ADGRB1: variants seen among roughly 807,000 people sequenced by gnomAD.
The protein encoded by ADGRB1 is brain-specific angiogenesis inhibitor 1.
Under a neutral mutation model 175.7 loss-of-function variants are expected in ADGRB1, and 36 were observed. That is an observed-to-expected ratio of 0.20 (90% CI 0.16 to 0.27). ADGRB1 has a LOEUF of 0.27. ADGRB1 is among the 10% of genes least tolerant of loss of function. The pLI is 1.00. For missense variants in ADGRB1, 1,731 were observed against 2,255.3 expected (o/e 0.77, Z 4.71); for synonymous variants, 1,054 against 979.4 (o/e 1.08, Z -1.42).
chr8:142,506,068 T>C (rs1842836694), intron 17 of ADGRB1, among the ~76,000 whole-genome samples: 1 of 152,168 alleles, frequency 6.6e-6, no homozygotes. Context: ...AATGTGTCCC[T>C]GGGGCCACAT....
chr8:142,452,709 C>T (rs1485363235), intron 1 of ADGRB1, among the ~76,000 whole-genome samples: 2 of 152,132 alleles, frequency 1.3e-5, no homozygotes, highest in African/African-American at 4.8e-5. Context: ...ATGAAGGGCC[C>T]CAGGGAGGGC....
In ADGRB1 at chr8:142,524,377, T is replaced by C. The variant is rs1391444291; in HGVS notation, c.3312+73T>C. ...CCACCTGCCTCCTGGGCCTCGGTGC[T>C]GTCTCATGCCCCAGGCTGTGCACCT... On this transcript the variant is annotated intron_variant, in intron 23 of 30. Transcript: ENST00000517894. 3.5e-6 allele frequency: 5 copies of C among 1,435,644 alleles called. No individual in the cohort carries two copies. In the Admixed American group the frequency reaches 1.0e-4, roughly 29 times the overall value. 88.9% of individuals were successfully genotyped at this position (1,435,644 alleles called of 1,614,324 possible).
At chr8:142,488,899 C>G in intron 14 of ADGRB1, 136 bp from the exon 15 acceptor site, 1 of 1,113,138 alleles carries the variant, frequency 9.0e-7, no homozygotes, top group Non-Finnish European at 1.3e-6. Flanking sequence ...GTGGGCCTCA[C>G]CATCCGCCAG....
Position 142,520,730 on chromosome 8 carries a change from G to T in ADGRB1, c.2922-93G>T. On this transcript the variant is annotated intron_variant, in intron 19 of 30. Transcript: ENST00000517894. ...TGGTGACAATGCCTGCAGGAAGTGG[G>T]GTGGGGCTCTGGTCTTGGTGCCACA... The T allele has an allele frequency of 2.8e-6, 3 of 1,053,712 alleles. No individual in the cohort carries two copies. In the Admixed American group the frequency reaches 5.4e-5, roughly 19 times the overall value. 65.3% of individuals were successfully genotyped at this position (1,053,712 alleles called of 1,614,324 possible).
rs558809818 is a variant in ADGRB1, at chr8:142,508,843, C to T, written c.2676-2089C>T. On this transcript the variant is annotated intron_variant, in intron 17 of 30. Coordinates refer to ENST00000517894, the MANE Select transcript of ADGRB1 (RefSeq NM_001702.3). Reference sequence around the variant, plus strand: ...AGCCTCATGCTTCTAAACCCTGGCCCGTGAAACAGGATCCTGGCCTCACAC... The same window carrying T: ...AGCCTCATGCTTCTAAACCCTGGCCTGTGAAACAGGATCCTGGCCTCACAC... 1.1e-4 allele frequency among the ~76,000 whole-genome samples: 16 copies of T among 152,310 alleles called. No homozygotes were observed. The East Asian group carries it at 2.7e-3, about 26-fold the overall frequency.
chr8:142,489,456 G>A lies in ADGRB1; in HGVS notation c.2631+18G>A. ...TGTATAATGTGAGTGCCGTCCACGT[G>A]CACACTCTGATGCCAGCAGAAACGC... On this transcript the variant is annotated intron_variant, in intron 16 of 30. Coordinates refer to ENST00000517894, the MANE Select transcript of ADGRB1 (RefSeq NM_001702.3). 2 of 1,608,406 alleles carry A rather than the reference G, an allele frequency of 1.2e-6. No homozygotes were observed. The highest frequency in any genetic ancestry group is 1.7e-6 in the Non-Finnish European group (2 of 1,175,980).
chr8:142,528,550 C>T lies in ADGRB1; in HGVS notation c.3398+1923C>T, dbSNP rs543618849. ...CCTTTTAATTTCACTTGCAGTCAGC[C>T]GTCCCCGCACCCCCTCGGGCGCGCC... On this transcript the variant is annotated intron_variant, in intron 24 of 30. Coordinates refer to ENST00000517894, the MANE Select transcript of ADGRB1 (RefSeq NM_001702.3). Among the ~76,000 whole-genome samples, 14 of 152,188 alleles carry T rather than the reference C, an allele frequency of 9.2e-5. No individual in the cohort carries two copies. In the South Asian group the frequency reaches 1.0e-3, roughly 11 times the overall value.
chr8:142,461,004 C>A (rs995151316), intron 1 of ADGRB1, among the ~76,000 whole-genome samples: 1 of 152,196 alleles, frequency 6.6e-6, no homozygotes, highest in African/African-American at 2.4e-5. Flanking sequence ...GGGTTCAAGG[C>A]GTGGAGTCAG....
intron 24 of ADGRB1, among the ~76,000 whole-genome samples, chr8:142,528,487 C>G (rs985617084): frequency 1.3e-5 from 2 of 152,212 alleles, no homozygotes. Context: ...GCCCCTCCTG[C>G]CTGGTTTCCG....
chr8:142,484,632 G>C, intron 12 of ADGRB1, 24 bp from the exon 13 acceptor site: 1 of 1,593,674 alleles, frequency 6.3e-7, no homozygotes, highest in Admixed American at 1.7e-5. Flanking sequence ...TCCTCCCTCG[G>C]CTGCTCACCC....
chr8:142,528,179 C>T (rs918450590), intron 24 of ADGRB1, among the ~76,000 whole-genome samples: 3 of 152,242 alleles, frequency 2.0e-5, no homozygotes, highest in South Asian at 2.1e-4. Flanking sequence ...AGGACCTGCA[C>T]GAGGTCCCTG....
At chr8:142,484,790 C>T (rs1453506062) in intron 13 of ADGRB1, 26 bp downstream of exon 13, 24 of 1,529,188 alleles carry the variant, frequency 1.6e-5, no homozygotes, top group Non-Finnish European at 2.1e-5. Flanking sequence ...TGCTGCCACC[C>T]CCCATGCCTT....
intron 2 of ADGRB1, 24 bp from the exon 3 acceptor site, chr8:142,475,450 C>A (rs1409536103): frequency 2.3e-6 from 3 of 1,283,318 alleles, no homozygotes; most frequent in Non-Finnish European, 3.0e-6. Flanking sequence ...CTGCCCTGAT[C>A]CCCGCCCTCT....
At chr8:142,539,334 C>T in intron 26 of ADGRB1, 40 bp from the exon 27 acceptor site, 2 of 1,559,270 alleles carry the variant, frequency 1.3e-6, no homozygotes, top group South Asian at 2.4e-5. Context: ...ACCCCCGCTC[C>T]CAGAGGCGCT....
At position 142,477,605 on chromosome 8, in the gene ADGRB1, A is replaced by C. The variant is rs967358424; in HGVS notation, c.1387+56A>C. 4 of 1,565,154 alleles carry C rather than the reference A, an allele frequency of 2.6e-6. No homozygotes were observed. The African/African-American group carries it at 4.0e-5, about 16-fold the overall frequency. On this transcript the variant is annotated intron_variant, in intron 6 of 30. Transcript: ENST00000517894. The stretch of plus-strand genomic sequence containing the variant: ...AGGAAGGGAAGAAAGGGGAGGTCAC[A>C]GTGGGCCACCGGCCAGGCCCAGGAG...
intron 2 of ADGRB1, among the ~76,000 whole-genome samples, chr8:142,466,616 G>C (rs1481109385): frequency 6.6e-6 from 1 of 152,240 alleles, no homozygotes; most frequent in Non-Finnish European, 1.5e-5. Context: ...GAGGGGCTGA[G>C]GACCAAGCCC....
At chr8:142,519,340 G>A (rs919638944) in intron 19 of ADGRB1, among the ~76,000 whole-genome samples, 12 of 152,192 alleles carry the variant, frequency 7.9e-5, no homozygotes, top group South Asian at 2.1e-4. Context: ...GAGGAAGTGG[G>A]GACCCAGAGA....
chr8:142,529,477 C>T (rs1397150492), intron 24 of ADGRB1, among the ~76,000 whole-genome samples: 1 of 152,172 alleles, frequency 6.6e-6, no homozygotes, highest in East Asian at 1.9e-4. Context: ...CCGCCAGTGC[C>T]ACCTCTGATG....
In ADGRB1 at chr8:142,450,003, G is replaced by A. The variant is rs1332366850; in HGVS notation, c.-321G>A. On this transcript the variant is annotated 5_prime_UTR_variant, in exon 1 of 31. Transcript: ENST00000517894. ...GGCTGGAGGAGCCCCCCCCACCTCC[G>A]GTCGGGCGCCCGGCTCAGCCGCCGG... is the stretch of plus-strand genomic sequence containing the variant. 6.7e-6 allele frequency: 1 copy of A among 148,838 alleles called. No homozygotes were observed. The highest frequency in any genetic ancestry group is 1.5e-5 in the Non-Finnish European group (1 of 66,724). The allele number at this position is 148,838 out of a possible 1,614,324, so 9.2% of individuals were successfully genotyped here. A position where few individuals can be genotyped will look rare whatever the true frequency, so the allele number is the denominator to read the frequency against.
Sources: gnomAD v4.1 joint callset for allele counts (sites outside exome capture counted in the v4.1 genomes callset) on GRCh38, gnomAD v4.1.1 for gene constraint, MANE v1.5 for transcripts, NCBI Gene and HGNC (gene_info 2026-07-23, HGNC 2026-07-21) for gene names.